Variants in MAPRE3 observed in about 807,000 individuals in gnomAD.
MAPRE3 encodes the protein microtubule-associated protein RP/EB family member 3.
A neutral mutation model predicts 30.5 loss-of-function variants in MAPRE3; 2 were observed. That is an observed-to-expected ratio of 0.07 (90% confidence interval 0.03 to 0.21). MAPRE3 has a LOEUF of 0.21. Ranked by LOEUF, MAPRE3 falls within the 10% of genes least tolerant of loss-of-function variation. MAPRE3 has a pLI of 1.00. For synonymous variants in MAPRE3, 110 were observed against 127.7 expected (o/e 0.86, Z 0.93); for missense variants, 204 against 351.8 (o/e 0.58, Z 3.36).
At chr2:27,006,203 A>C (rs1477630191) in intron 1 of MAPRE3, among the ~76,000 whole-genome samples, 1 of 151,546 alleles carries the variant, frequency 6.6e-6, no homozygotes, top group Non-Finnish European at 1.5e-5. Flanking sequence ...CAAAAACAAA[A>C]ACAAAAAAAA....
intron 1 of MAPRE3, among the ~76,000 whole-genome samples, chr2:27,005,667 G>A (rs991624341): frequency 3.3e-5 from 5 of 152,162 alleles, no homozygotes; most frequent in African/African-American, 1.2e-4. Context: ...CTTCCTCCTA[G>A]GGCAGAATCA....
At chr2:26,971,489 C>G (rs895411157) in intron 1 of MAPRE3, among the ~76,000 whole-genome samples, 1 of 152,256 alleles carries the variant, frequency 6.6e-6, no homozygotes, top group East Asian at 1.9e-4. Flanking sequence ...AGCTACTGCC[C>G]GGCCGGTGTT....
At chr2:26,973,269 C>T (rs1250795094) in intron 1 of MAPRE3, among the ~76,000 whole-genome samples, 1 of 152,182 alleles carries the variant, frequency 6.6e-6, no homozygotes, top group Non-Finnish European at 1.5e-5. Flanking sequence ...CGTTTCTGAC[C>T]TACCGTCCTG....
intron 1 of MAPRE3, among the ~76,000 whole-genome samples, chr2:26,972,868 TGA>T (rs556669083): frequency 5.0e-4 from 76 of 152,188 alleles, no homozygotes; most frequent in Non-Finnish European, 7.6e-4. Flanking sequence ...CAGTGTTTTA[TGA>T]GATAATGATG....
At chr2:27,008,579 A>G (rs916546635) in intron 1 of MAPRE3, among the ~76,000 whole-genome samples, 1 of 152,198 alleles carries the variant, frequency 6.6e-6, no homozygotes, top group African/African-American at 2.4e-5. Context: ...TTCTAGGAAC[A>G]GTCAGTCCAG....
chr2:26,974,914 C>T (rs551507782), intron 1 of MAPRE3, among the ~76,000 whole-genome samples: 1 of 152,234 alleles, frequency 6.6e-6, no homozygotes, highest in East Asian at 1.9e-4. Flanking sequence ...GATTTAGGTC[C>T]ATCTTGGACT....
chr2:26,980,147 A>C (rs1032778324), intron 1 of MAPRE3, among the ~76,000 whole-genome samples: 1 of 152,206 alleles, frequency 6.6e-6, no homozygotes, highest in Non-Finnish European at 1.5e-5. Flanking sequence ...GGGAAGAGAA[A>C]ATGTCTGGAA....
intron 1 of MAPRE3, among the ~76,000 whole-genome samples, chr2:27,004,778 C>T (rs1156386925): frequency 6.9e-6 from 1 of 145,958 alleles, no homozygotes; most frequent in Non-Finnish European, 1.5e-5. Flanking sequence ...GGGATCAGTA[C>T]AGATTTATCC....
chr2:27,002,003 C>CTAGGCTAGTGGAACAACG (rs1299254567), intron 1 of MAPRE3: 3 of 152,270 alleles, frequency 2.0e-5, no homozygotes, highest in Non-Finnish European at 4.4e-5. Context: ...AGTGGAACAG[C>CTAGGCTAGTGGAACAACG]TCAAGGACGT....
At chr2:26,979,007 G>A (rs1666066002) in intron 1 of MAPRE3, among the ~76,000 whole-genome samples, 2 of 152,192 alleles carry the variant, frequency 1.3e-5, no homozygotes, top group African/African-American at 4.8e-5. Flanking sequence ...AAAACTGTAT[G>A]TCACTGTAAC....
rs1666197745 is a variant in MAPRE3 at position 26,985,440 on chromosome 2, GA to G, written c.-8+14640del. ...CTATTCCTATAGCAGTAATGTGGCA[GA>G]AGCAGGCCCTGGAGACCCTCCCCAC... is the stretch of plus-strand genomic sequence containing the variant. On this transcript the variant is annotated intron_variant, in intron 1 of 6. Coordinates refer to ENST00000233121, the MANE Select transcript of MAPRE3 (RefSeq NM_012326.4). This position sits in a 1 kb window ranked among gnomAD's most constrained non-coding sequence, Gnocchi z 4.2. Among the ~76,000 whole-genome samples the G allele has an allele frequency of 6.6e-6, 1 of 152,202 alleles. No homozygotes were observed. Among genetic ancestry groups the G allele is most frequent in the Admixed American group, 6.5e-5 (1 of 15,278 alleles).
At chr2:26,989,112 A>G (rs1666276468) in intron 1 of MAPRE3, among the ~76,000 whole-genome samples, 1 of 152,124 alleles carries the variant, frequency 6.6e-6, no homozygotes, top group Admixed American at 6.6e-5. Context: ...TGTATCCCAC[A>G]TTGATAAAGA....
chr2:26,982,301 A>G (rs1335488943), intron 1 of MAPRE3, among the ~76,000 whole-genome samples: 1 of 152,204 alleles, frequency 6.6e-6, no homozygotes, highest in Non-Finnish European at 1.5e-5. Flanking sequence ...ACAGCTCACC[A>G]TGCAAAGCAG....
intron 1 of MAPRE3, among the ~76,000 whole-genome samples, chr2:27,020,014 G>A (rs1292970794): frequency 1.3e-5 from 2 of 152,176 alleles, no homozygotes; most frequent in African/African-American, 4.8e-5. Flanking sequence ...GTTAGGTCTG[G>A]GGGAGGACAA....
chr2:27,000,157 G>A (rs1189117945), intron 1 of MAPRE3, among the ~76,000 whole-genome samples: 3 of 151,978 alleles, frequency 2.0e-5, no homozygotes, highest in South Asian at 2.1e-4. Flanking sequence ...ATAAATGTAC[G>A]GGTTTGTGTT....
chr2:26,996,344 T>C (rs915992229), intron 1 of MAPRE3, among the ~76,000 whole-genome samples: 3 of 151,662 alleles, frequency 2.0e-5, no homozygotes, highest in Non-Finnish European at 4.4e-5. Context: ...TTAGTAGAGA[T>C]GAAGGCCTCA....
At chr2:27,011,698 T>G (rs1442662770) in intron 1 of MAPRE3, 3 of 151,152 alleles carry the variant, frequency 2.0e-5, no homozygotes, top group African/African-American at 4.9e-5. Flanking sequence ...ATACAAAAAT[T>G]AGCTGGGTGT....
In MAPRE3 at chr2:27,004,319, A is replaced by G. The variant is rs181179898; in HGVS notation, c.-7-17893A>G. ...ACAGGGCTACTATTTAGGTAGTGCA[A>G]TTAAAGTTTACTTTCTGAATTCTCT... is the stretch of plus-strand genomic sequence containing the variant. On this transcript the variant is annotated intron_variant, in intron 1 of 6. Transcript: ENST00000233121. 2.0e-5 allele frequency among the ~76,000 whole-genome samples: 3 copies of G among 152,316 alleles called. No homozygotes were observed. In the East Asian group the frequency reaches 5.8e-4, roughly 29 times the overall value.
At chr2:27,016,222 TCATGGTAGAAA>T (rs1666979811) in intron 1 of MAPRE3, among the ~76,000 whole-genome samples, 1 of 152,094 alleles carries the variant, frequency 6.6e-6, no homozygotes, top group African/African-American at 2.4e-5. Context: ...GTGCCAAAGA[TCATGGTAGAAA>T]CATGTGGATG....
Sources: gnomAD v4.1 joint callset for allele counts (sites outside exome capture counted in the v4.1 genomes callset) on GRCh38, gnomAD v4.1.1 for gene constraint, Gnocchi (gnomAD v3.1) non-coding constraint, MANE v1.5 for transcripts, NCBI Gene and HGNC (gene_info 2026-07-23, HGNC 2026-07-21) for gene names.